The following CFAP299 variants were observed in gnomAD, a reference collection of about 807,000 sequenced individuals.
The protein encoded by CFAP299 is cilia and flagella associated protein 299, also known as cilia- and flagella-associated protein 299.
In CFAP299, 21 loss-of-function variants were observed where a neutral mutation model predicts 27.0. The ratio of observed to expected loss-of-function variants is 0.78; its 90% CI spans 0.55 to 1.12. The LOEUF (loss-of-function observed/expected upper bound fraction) is 1.12, where lower values mean the gene tolerates loss of function less well. CFAP299 is among the 50% of genes most tolerant of loss of function. The probability of loss-of-function intolerance (pLI) is 0.00; values close to 1 mark genes in which losing one functional copy is unlikely to be tolerated. For synonymous variants in CFAP299, 104 were observed against 98.1 expected (o/e 1.06, Z -0.36); for missense variants, 310 against 276.6 (o/e 1.12, Z -0.86).
At chr4:80,389,584 A>G (rs1027303660) in intron 2 of CFAP299, among the ~76,000 whole-genome samples, 1 of 152,208 alleles carries the variant, frequency 6.6e-6, no homozygotes. Flanking sequence ...GCATCAGGTC[A>G]AGATACTTTA....
intron 2 of CFAP299, among the ~76,000 whole-genome samples, chr4:80,518,877 A>G (rs1732730913): frequency 1.3e-5 from 2 of 152,146 alleles, no homozygotes; most frequent in South Asian, 4.1e-4. Context: ...GAGAGGACAT[A>G]TGGGTGGGTA....
At chr4:80,477,203 A>G (rs1215983540) in intron 2 of CFAP299, among the ~76,000 whole-genome samples, 2 of 152,076 alleles carry the variant, frequency 1.3e-5, no homozygotes, top group African/African-American at 4.8e-5. Flanking sequence ...TTGGGACTAC[A>G]GGCACATGCC....
In CFAP299 at chr4:80,335,772, G is replaced by A. The variant is rs1460874211; in HGVS notation, c.4G>A (p.Asp2Asn). 1 of 1,606,824 alleles carries A rather than the reference G, an allele frequency of 6.2e-7. No homozygotes were observed. The highest frequency in any genetic ancestry group is 1.3e-5 in the African/African-American group (1 of 74,938). The change falls in exon 1 of 6, where the codon GAT becomes AAT. Residue 2 changes from aspartate (D) to asparagine (N), a missense_variant. Physicochemically the swap from Asp to Asn is conservative, Grantham distance 23. Transcript: ENST00000358105. ...CGCTTCGGCCGAGGATACCGCAATG[G>A]ATCAGGAAGAGGGGCTGAAGGCCTT... MDQEEGLKALDN... is the reference protein window; with the variant it reads MNQEEGLKALDN...
chr4:80,699,581 A>C (rs982117305), intron 3 of CFAP299, among the ~76,000 whole-genome samples: 1 of 152,164 alleles, frequency 6.6e-6, no homozygotes, highest in African/African-American at 2.4e-5. Context: ...CAGTTTCTTC[A>C]AGTTCAAGAG....
intron 4 of CFAP299, among the ~76,000 whole-genome samples, chr4:80,891,954 A>T (rs1734328590): frequency 6.6e-6 from 1 of 151,912 alleles, no homozygotes; most frequent in South Asian, 2.1e-4. Flanking sequence ...TACAGAATCA[A>T]TGCAATCCTT....
chr4:80,755,938 T>C (rs1422466308), intron 3 of CFAP299, among the ~76,000 whole-genome samples: 1 of 152,108 alleles, frequency 6.6e-6, no homozygotes, highest in Non-Finnish European at 1.5e-5. Context: ...TGGACTTTGC[T>C]TTTTCCATAG....
At chr4:80,680,575 C>G (rs1560694523) in intron 3 of CFAP299, among the ~76,000 whole-genome samples, 1 of 152,050 alleles carries the variant, frequency 6.6e-6, no homozygotes, top group Non-Finnish European at 1.5e-5. Context: ...AAGAGATGCT[C>G]ATCTGCCTAT....
chr4:80,520,702 A>G (rs1732864509), intron 2 of CFAP299, among the ~76,000 whole-genome samples: 2 of 152,238 alleles, frequency 1.3e-5, no homozygotes, highest in African/African-American at 4.8e-5. Context: ...AGAATTATAC[A>G]TACTTAAAAA....
chr4:80,376,546 C>A (rs1396344994), intron 2 of CFAP299, among the ~76,000 whole-genome samples: 1 of 152,120 alleles, frequency 6.6e-6, no homozygotes, highest in Non-Finnish European at 1.5e-5. Context: ...GTGTTAGAGT[C>A]CCAGTGGTCT....
chr4:80,562,301 CAAT>C (rs752775509), intron 2 of CFAP299, among the ~76,000 whole-genome samples: 34 of 151,878 alleles, frequency 2.2e-4, no homozygotes, highest in Non-Finnish European at 1.5e-5. Context: ...CCTTACGTAT[CAAT>C]AATAACATTG....
At chr4:80,638,510 G>A (rs921516855) in intron 3 of CFAP299, among the ~76,000 whole-genome samples, 5 of 152,082 alleles carry the variant, frequency 3.3e-5, no homozygotes, top group African/African-American at 1.2e-4. Context: ...AGAGATCTCC[G>A]AAATCAGAAA....
intron 3 of CFAP299, among the ~76,000 whole-genome samples, chr4:80,645,484 TACAC>T (rs1739961117): frequency 6.6e-6 from 1 of 152,154 alleles, no homozygotes; most frequent in Non-Finnish European, 1.5e-5. Context: ...GATACATAAA[TACAC>T]ACATATGTAG....
At chr4:80,912,858 G>A (rs773626815) in intron 4 of CFAP299, among the ~76,000 whole-genome samples, 1 of 152,188 alleles carries the variant, frequency 6.6e-6, no homozygotes, top group Non-Finnish European at 1.5e-5. Context: ...CCAGAGGCCT[G>A]AGTCTGGAGC....
At chr4:80,387,804 A>T (rs906038925) in intron 2 of CFAP299, 1 of 1,579,920 alleles carries the variant, frequency 6.3e-7, no homozygotes, top group Non-Finnish European at 8.7e-7. Flanking sequence ...TGAGTTTCTG[A>T]GCCTTTGGCT....
At chr4:80,528,433 A>T (rs115301656) in intron 2 of CFAP299, among the ~76,000 whole-genome samples, 1 of 152,250 alleles carries the variant, frequency 6.6e-6, no homozygotes, top group South Asian at 2.1e-4. Context: ...TGTGGTAGGC[A>T]TCAGGGAAAG....
intron 2 of CFAP299, among the ~76,000 whole-genome samples, chr4:80,489,550 A>G (rs1731009252): frequency 6.6e-6 from 1 of 152,208 alleles, no homozygotes; most frequent in African/African-American, 2.4e-5. Context: ...AAGAGTGCCT[A>G]GGGAAAGACG....
chr4:80,616,266 A>C (rs1206249932), intron 3 of CFAP299, among the ~76,000 whole-genome samples: 1 of 152,096 alleles, frequency 6.6e-6, no homozygotes, highest in Non-Finnish European at 1.5e-5. Flanking sequence ...AATATGCAAA[A>C]TAGATAATTT....
chr4:80,904,525 AT>A (rs998401205), intron 4 of CFAP299, among the ~76,000 whole-genome samples: 5 of 149,844 alleles, frequency 3.3e-5, no homozygotes, highest in Admixed American at 6.7e-5. Flanking sequence ...TTTCCTCTTT[AT>A]TTTTTTTTCA....
At chr4:80,513,770 T>C (rs974975185) in intron 2 of CFAP299, among the ~76,000 whole-genome samples, 2 of 152,094 alleles carry the variant, frequency 1.3e-5, no homozygotes, top group Admixed American at 1.3e-4. Context: ...TTTCCAATCA[T>C]CCCAACTACC....
Sources: allele counts gnomAD v4.1 joint callset (sites outside exome capture counted in the v4.1 genomes callset), GRCh38; gene constraint gnomAD v4.1.1; transcripts MANE v1.5; gene names NCBI Gene and HGNC (gene_info 2026-07-23, HGNC 2026-07-21).